The following SMARCA5 variants were observed in gnomAD, a reference collection of about 807,000 sequenced individuals.
The protein encoded by SMARCA5 is SWI/SNF-related matrix-associated actin-dependent regulator of chromatin subfamily A member 5.
Under a neutral mutation model 140.4 loss-of-function variants are expected in SMARCA5, and 18 were observed. That is an observed-to-expected ratio of 0.13 (90% CI 0.09 to 0.19). The LOEUF (loss-of-function observed/expected upper bound fraction) is 0.19, where lower values mean the gene tolerates loss of function less well. SMARCA5 is among the 10% of genes least tolerant of loss of function. SMARCA5 has a pLI of 1.00. For synonymous variants in SMARCA5, 449 were observed against 419.6 expected, an observed-to-expected ratio of 1.07 and a Z score of -0.86; for missense variants, 606 against 1,276.8, an observed-to-expected ratio of 0.47 and a Z score of 8.01.
chr4:143,544,692 G>A (rs747199036), intron 16 of SMARCA5, 45 bp from the exon 17 acceptor site: 3 of 1,001,436 alleles, frequency 3.0e-6, no homozygotes, highest in Non-Finnish European at 3.1e-6. Context: ...ATTTGTTACT[G>A]TGTATAATAA....
At position 143,524,543 on chromosome 4, in the gene SMARCA5, T is replaced by C. The variant is rs1044354608; in HGVS notation, c.520+76T>C. The stretch of plus-strand genomic sequence containing the variant: ...TTTGGTTAATGTTTTGGATTTGTGT[T>C]GGCTACTATTTGTGAAGCAAATTTT... On this transcript the variant is annotated intron_variant, in intron 4 of 23. Transcript: ENST00000283131. 3.3e-6 allele frequency: 3 copies of C among 911,168 alleles called. No individual in the cohort carries two copies. The African/African-American group carries it at 5.1e-5, about 15-fold the overall frequency. The allele number at this position is 911,168 out of a possible 1,614,324, so 56.4% of individuals were successfully genotyped here. A position where few individuals can be genotyped will look rare whatever the true frequency, so the allele number is the denominator to read the frequency against.
chr4:143,536,758 G>C (rs1352602257), intron 11 of SMARCA5, 80 bp downstream of exon 11: 2 of 953,418 alleles, frequency 2.1e-6, no homozygotes, highest in South Asian at 1.4e-5. Context: ...ACTTTGAAAT[G>C]ACTGCTCTGA....
intron 22 of SMARCA5, 27 bp downstream of exon 22, chr4:143,548,167 A>G (rs1450935667): frequency 2.2e-6 from 3 of 1,387,284 alleles, no homozygotes; most frequent in Admixed American, 3.7e-5. Context: ...TTTTTGTGTA[A>G]TGTAGCAGAG....
intron 1 of SMARCA5, 168 bp downstream of exon 1, chr4:143,514,269 T>C: frequency 1.6e-6 from 1 of 627,022 alleles, no homozygotes. Flanking sequence ...CCCTTGTTCT[T>C]ACCCTATTCG....
Position 143,547,914 on chromosome 4 carries a change from T to A in SMARCA5, c.2773-14T>A, listed in dbSNP as rs1187902127. ...GATTTGTATTTTATATAATATAAAA[T>A]CTGACTTTCATAGATTGGACGGTAC... On this transcript the variant is annotated splice_polypyrimidine_tract_variant and intron_variant, in intron 21 of 23. Transcript: ENST00000283131. 1 of 1,437,418 alleles carries A rather than the reference T, an allele frequency of 7.0e-7. No individual in the cohort carries two copies. 89.0% of individuals were successfully genotyped at this position (1,437,418 alleles called of 1,614,324 possible). A position where few individuals can be genotyped will look rare whatever the true frequency, so the allele number is the denominator to read the frequency against.
At chr4:143,536,921 T>C (rs1460352315) in intron 11 of SMARCA5, among the ~76,000 whole-genome samples, 1 of 152,186 alleles carries the variant, frequency 6.6e-6, no homozygotes, top group Non-Finnish European at 1.5e-5. Context: ...GTTCATACTT[T>C]ATATATACTT....
intron 14 of SMARCA5, among the ~76,000 whole-genome samples, chr4:143,541,750 A>G (rs78560001): frequency 2.3e-3 from 343 of 152,306 alleles, no homozygotes; most frequent in African/African-American, 6.8e-3. Flanking sequence ...CCGTGATGTT[A>G]TCTCATGGGT....
At position 143,539,844 on chromosome 4, in the gene SMARCA5, C is replaced by T. The variant is rs182256923; in HGVS notation, c.1771-519C>T. On this transcript the variant is annotated intron_variant, in intron 13 of 23. Transcript: ENST00000283131. ...GAGCTACTACACCCAGCCCATTAGT[C>T]ACTTTCATCTTGTACTCTTACTAAG... Among the ~76,000 whole-genome samples, 18 of 152,260 alleles carry T rather than the reference C, an allele frequency of 1.2e-4. No homozygotes were observed. In the East Asian group the frequency reaches 3.3e-3, roughly 28 times the overall value.
rs1316068988 is a variant in SMARCA5, at chr4:143,547,322, A to AT, written c.2654-55dup. The AT allele has an allele frequency of 1.0e-4, 92 of 887,750 alleles. 1 individual carries two copies. The highest frequency in any genetic ancestry group is 3.1e-4 in the East Asian group (12 of 38,194). The allele number at this position is 887,750 out of a possible 1,614,324, so 55.0% of individuals were successfully genotyped here. On this transcript the variant is annotated intron_variant, in intron 20 of 23. Transcript: ENST00000283131. ...GAAGATAAATAATCCAGTTGATCCC[A>AT]TTTTTTTTACATTAAAGAAATAAAA...
rs1357686317 is a variant in SMARCA5 at position 143,514,118 on chromosome 4, G to T, written c.177+17G>T. 4.6e-6 allele frequency: 7 copies of T among 1,517,808 alleles called. No homozygotes were observed. In the Admixed American group the frequency reaches 6.3e-5, roughly 14 times the overall value. The allele number at this position is 1,517,808 out of a possible 1,614,324, so 94.0% of individuals were successfully genotyped here. A position where few individuals can be genotyped will look rare whatever the true frequency, so the allele number is the denominator to read the frequency against. ...GAGATGGAGGTGAGGGCGACTTGCG[G>T]CATGGGGAGCGGGTGCAGCGGGGAG... On this transcript the variant is annotated intron_variant, in intron 1 of 23. Transcript: ENST00000283131.
intron 9 of SMARCA5, among the ~76,000 whole-genome samples, chr4:143,532,929 C>A (rs1338024530): frequency 1.3e-5 from 2 of 152,174 alleles, no homozygotes; most frequent in South Asian, 4.1e-4. Context: ...CGCCTGTTGA[C>A]TAGGGCTGAA....
chr4:143,525,156 G>C (rs1737041737), intron 4 of SMARCA5, among the ~76,000 whole-genome samples: 1 of 151,000 alleles, frequency 6.6e-6, no homozygotes, highest in African/African-American at 2.4e-5. Flanking sequence ...TCATTAAAAA[G>C]ACGAGAGGCC....
chr4:143,521,893 C>CAAAAA (rs58679947), intron 3 of SMARCA5, among the ~76,000 whole-genome samples: 17 of 44,696 alleles, frequency 3.8e-4, no homozygotes, highest in South Asian at 9.2e-4. Flanking sequence ...CCCATCTCTA[C>CAAAAA]AAAAAAAAAA....
At chr4:143,516,880 T>G (rs902416108) in intron 1 of SMARCA5, among the ~76,000 whole-genome samples, 16 of 152,232 alleles carry the variant, frequency 1.1e-4, no homozygotes, top group African/African-American at 3.9e-4. Context: ...CAATTTAGGC[T>G]GCGAGATAAA....
Position 143,528,071 on chromosome 4 carries a change from A to G in SMARCA5, c.957+48A>G, listed in dbSNP as rs774484821. Reference sequence around the variant, plus strand: ...AAAGCCTTCATGTAAGAATTTGATTAAAGTACAGATTTTTTTTTCTTTTAA... The same window carrying G: ...AAAGCCTTCATGTAAGAATTTGATTGAAGTACAGATTTTTTTTTCTTTTAA... On this transcript the variant is annotated intron_variant, in intron 7 of 23. Transcript: ENST00000283131. 1.3e-5 allele frequency: 18 copies of G among 1,426,750 alleles called. No homozygotes were observed. In the Admixed American group the frequency reaches 4.1e-4, roughly 33 times the overall value. 88.4% of individuals were successfully genotyped at this position (1,426,750 alleles called of 1,614,324 possible).
At chr4:143,532,347 T>C (rs7698480) in intron 9 of SMARCA5, among the ~76,000 whole-genome samples, 81,367 of 151,820 alleles carry the variant, frequency 0.54, 22,154 homozygotes, top group Middle Eastern at 0.64. Context: ...TGCATTTTTT[T>C]CCCCTTATTC....
At chr4:143,547,834 A>G in intron 21 of SMARCA5, 94 bp from the exon 22 acceptor site, 1 of 728,802 alleles carries the variant, frequency 1.4e-6, no homozygotes, top group East Asian at 2.8e-5. Flanking sequence ...CTGATTTGAA[A>G]TGCAACATTT....
intron 9 of SMARCA5, among the ~76,000 whole-genome samples, chr4:143,534,437 T>C (rs1737263655): frequency 6.6e-6 from 1 of 152,112 alleles, no homozygotes; most frequent in East Asian, 1.9e-4. Context: ...AAGATAAAAA[T>C]AAAATAGATG....
Position 143,553,424 on chromosome 4 carries a change from T to C in SMARCA5, c.*240T>C. 5.3e-6 allele frequency: 2 copies of C among 376,928 alleles called. No homozygotes were observed. Among genetic ancestry groups the C allele is most frequent in the Non-Finnish European group, 9.6e-6 (2 of 208,758 alleles). The allele number at this position is 376,928 out of a possible 1,614,324, so 23.3% of individuals were successfully genotyped here. A position where few individuals can be genotyped will look rare whatever the true frequency, so the allele number is the denominator to read the frequency against. ...TAGGCTTCATTTATTACTAAGTGTTTCATTTGATTTATTTTTCTATTGTAG... is the reference window on the plus strand; with the variant it reads ...TAGGCTTCATTTATTACTAAGTGTTCCATTTGATTTATTTTTCTATTGTAG... On this transcript the variant is annotated 3_prime_UTR_variant, in exon 24 of 24. Transcript: ENST00000283131.
Sources: gnomAD v4.1 joint callset for allele counts (sites outside exome capture counted in the v4.1 genomes callset) on GRCh38, gnomAD v4.1.1 for gene constraint, MANE v1.5 for transcripts, NCBI Gene and HGNC (gene_info 2026-07-23, HGNC 2026-07-21) for gene names.